ACSS3: variants seen among roughly 807,000 people sequenced by gnomAD.
The protein encoded by ACSS3 is acyl-CoA synthetase short chain family member 3, also known as acyl-CoA synthetase short-chain family member 3, mitochondrial.
Under a neutral mutation model 84.2 loss-of-function variants are expected in ACSS3, and 64 were observed. The observed-to-expected ratio is 0.76, with a 90% CI of 0.62 to 0.94. The LOEUF (loss-of-function observed/expected upper bound fraction) is 0.94. ACSS3 is among the 40% of genes least tolerant of loss of function. The pLI, the probability that ACSS3 is intolerant of heterozygous loss-of-function variation, is 0.00. For missense variants in ACSS3, 815 were observed against 867.6 expected (o/e 0.94, Z 0.76); for synonymous variants, 317 against 310.1 (o/e 1.02, Z -0.23).
chr12:81,148,399 A>C (rs17652813), intron 5 of ACSS3, among the ~76,000 whole-genome samples: 10,724 of 152,258 alleles, frequency 0.07, 469 homozygotes, highest in Admixed American at 0.11. Flanking sequence ...AGTAAGCTGG[A>C]AATTATAAAG....
At position 81,231,252 on chromosome 12, in the gene ACSS3, T is replaced by A. The variant is rs1401466587; in HGVS notation, c.1596+114T>A. 3.0e-5 allele frequency: 24 copies of A among 804,164 alleles called. 1 individual carries two copies. Among genetic ancestry groups the A allele is most frequent in the Admixed American group, 1.5e-4 (5 of 33,114 alleles). 49.8% of individuals were successfully genotyped at this position (804,164 alleles called of 1,614,324 possible). A position where few individuals can be genotyped will look rare whatever the true frequency, so the allele number is the denominator to read the frequency against. ...AGATCAAAAAGAAACTTTTAAAGGT[T>A]ATCTGGACCAGTTTCCAGCTCCCAG... On this transcript the variant is annotated intron_variant, in intron 12 of 15. Transcript: ENST00000548058.
chr12:81,081,331 G>A (rs972746990), intron 1 of ACSS3, among the ~76,000 whole-genome samples: 3 of 152,116 alleles, frequency 2.0e-5, no homozygotes, highest in Non-Finnish European at 4.4e-5. Context: ...TAATTTCTAA[G>A]ACCTTCAAAA....
At chr12:81,224,574 A>ATGTG (rs72129467) in intron 11 of ACSS3, among the ~76,000 whole-genome samples, 31 of 71,938 alleles carry the variant, frequency 4.3e-4, no homozygotes, top group African/African-American at 5.0e-4. Flanking sequence ...ACACACACAC[A>ATGTG]TGTGTGTGTG....
intron 15 of ACSS3, among the ~76,000 whole-genome samples, chr12:81,254,055 G>T (rs1337076736): frequency 6.6e-6 from 1 of 152,064 alleles, no homozygotes; most frequent in Non-Finnish European, 1.5e-5. Context: ...CTCATAAGTA[G>T]TTGGGACTAC....
intron 9 of ACSS3, 145 bp downstream of exon 9, chr12:81,199,589 T>G: frequency 6.8e-7 from 1 of 1,480,590 alleles, no homozygotes; most frequent in Non-Finnish European, 9.1e-7. Flanking sequence ...AAATAAGCAA[T>G]TTTTTTATTG....
At chr12:81,109,816 C>A in intron 2 of ACSS3, 112 bp downstream of exon 2, 1 of 916,388 alleles carries the variant, frequency 1.1e-6, no homozygotes, top group Non-Finnish European at 1.5e-6. Context: ...AATATGTTGC[C>A]ATGCTTTTCT....
chr12:81,204,307 TCC>T (rs1236880751), intron 9 of ACSS3, among the ~76,000 whole-genome samples: 1 of 151,402 alleles, frequency 6.6e-6, no homozygotes, highest in Non-Finnish European at 1.5e-5. Context: ...CTCCTCTTCT[TCC>T]TTCCTCCTCT....
intron 4 of ACSS3, among the ~76,000 whole-genome samples, chr12:81,141,024 G>A (rs950155827): frequency 9.9e-5 from 15 of 152,004 alleles, no homozygotes; most frequent in African/African-American, 3.4e-4. Context: ...CCAAAGTCAC[G>A]GCTACTAAGT....
At chr12:81,091,310 A>T (rs1019127936) in intron 1 of ACSS3, among the ~76,000 whole-genome samples, 2 of 152,036 alleles carry the variant, frequency 1.3e-5, no homozygotes, top group African/African-American at 4.8e-5. Flanking sequence ...TAGCAATCAT[A>T]TAAAAATGTT....
chr12:81,142,303 G>C (rs996677312), intron 4 of ACSS3, among the ~76,000 whole-genome samples: 4 of 152,248 alleles, frequency 2.6e-5, no homozygotes, highest in Admixed American at 2.0e-4. Flanking sequence ...AAAAAAACTA[G>C]GCTTTTAATG....
chr12:81,128,432 C>T (rs759944842), intron 2 of ACSS3, among the ~76,000 whole-genome samples: 2 of 152,146 alleles, frequency 1.3e-5, no homozygotes, highest in Non-Finnish European at 2.9e-5. Flanking sequence ...AGGCTTCCTT[C>T]GCAGCCCAGT....
At position 81,259,750 on chromosome 12, in the gene ACSS3, C is replaced by A. The variant is rs1292413610; in HGVS notation, c.*4828C>A. The A allele has an allele frequency of 2.0e-5, 21 of 1,047,518 alleles. No homozygotes were observed. Among genetic ancestry groups the A allele is most frequent in the Admixed American group, 4.3e-5 (2 of 46,170 alleles). The allele number at this position is 1,047,518 out of a possible 1,614,324, so 64.9% of individuals were successfully genotyped here. On this transcript the variant is annotated 3_prime_UTR_variant, in exon 16 of 16. Transcript: ENST00000548058. Reference sequence around the variant, plus strand: ...TCCTCTGTGGTGTACCTCCACGCAGCCTGCTTACTCCTGTCCTAGAAGATC... The same window carrying A: ...TCCTCTGTGGTGTACCTCCACGCAGACTGCTTACTCCTGTCCTAGAAGATC...
chr12:81,162,414 A>C (rs11831342), intron 7 of ACSS3, among the ~76,000 whole-genome samples: 323 of 152,220 alleles, frequency 2.1e-3, no homozygotes, highest in African/African-American at 7.5e-3. Context: ...GATAACTCCT[A>C]TCTGCAGGCA....
In ACSS3 at chr12:81,253,402, A is replaced by G. The variant is rs952563834; in HGVS notation, c.1815A>G (p.Arg605=). ...GHVPLALCVL[R]KDINATEEQV... is the part of the protein sequence containing the mutation. ...TCCCCTTAGCACTCTGTGTATTGAG[A>G]AAAGGTGAGAGATCTTTTTCTCCCT... Residue 605 remains arginine, a synonymous_variant, in exon 14 of 16, where the codon AGA becomes AGG. Transcript: ENST00000548058. 1.9e-6 allele frequency: 3 copies of G among 1,613,750 alleles called. No homozygotes were observed. The highest frequency in any genetic ancestry group is 2.7e-5 in the African/African-American group (2 of 74,898).
chr12:81,234,261 G>A (rs985838394), intron 13 of ACSS3, among the ~76,000 whole-genome samples: 4 of 150,998 alleles, frequency 2.6e-5, no homozygotes, highest in Admixed American at 6.6e-5. Context: ...GAATTTCATC[G>A]TGCAGCTGTA....
At chr12:81,251,682 A>AAAAAAAAAAAAAAAAAAC (rs2034159316) in intron 13 of ACSS3, among the ~76,000 whole-genome samples, 1 of 150,950 alleles carries the variant, frequency 6.6e-6, no homozygotes, top group Non-Finnish European at 1.5e-5. Flanking sequence ...AAAAAAAAAA[A>AAAAAAAAAAAAAAAAAAC]AATACAAAAA....
intron 13 of ACSS3, among the ~76,000 whole-genome samples, chr12:81,249,126 A>G (rs999730017): frequency 3.9e-5 from 6 of 152,048 alleles, no homozygotes; most frequent in African/African-American, 7.2e-5. Context: ...AAAGCCCAGC[A>G]TTGAGCTAGA....
chr12:81,133,948 C>T (rs1885655769), intron 2 of ACSS3, among the ~76,000 whole-genome samples: 2 of 147,844 alleles, frequency 1.4e-5, no homozygotes, highest in South Asian at 2.2e-4. Context: ...TATAATTGCC[C>T]ATGGGAAGGA....
rs1300450274 is a variant in ACSS3, at chr12:81,099,698, T to A, written c.312-9862T>A. ...TCCGTTACTCTCTGAAAAATGGCTA[T>A]CATTCACTCTGAAAGAAGACTTTTT... is the stretch of plus-strand genomic sequence containing the variant. On this transcript the variant is annotated intron_variant, in intron 1 of 15. Transcript: ENST00000548058. Among the ~76,000 whole-genome samples the A allele has an allele frequency of 2.0e-5, 3 of 151,976 alleles. No homozygotes were observed. In the South Asian group the frequency reaches 6.2e-4, roughly 32 times the overall value.
Sources: gnomAD v4.1 joint callset for allele counts (sites outside exome capture counted in the v4.1 genomes callset) on GRCh38, gnomAD v4.1.1 for gene constraint, MANE v1.5 for transcripts, NCBI Gene and HGNC (gene_info 2026-07-23, HGNC 2026-07-21) for gene names.